Variants in GRIK1 observed in about 807,000 individuals in gnomAD.
GRIK1 encodes glutamate receptor ionotropic, kainate 1.
In GRIK1, 69 loss-of-function variants were observed where a neutral mutation model predicts 105.7. The ratio of observed to expected loss-of-function variants is 0.65; its 90% CI spans 0.54 to 0.80. GRIK1 has a LOEUF of 0.80. GRIK1 is among the 30% of genes least tolerant of loss of function. The probability of loss-of-function intolerance (pLI) is 0.00; values close to 1 mark genes in which losing one functional copy is unlikely to be tolerated. For synonymous variants in GRIK1, 438 were observed against 431.3 expected (o/e 1.02, Z -0.19); for missense variants, 1,109 against 1,167.3 (o/e 0.95, Z 0.73).
At chr21:29,929,796 T>C (rs894801443) in intron 1 of GRIK1, among the ~76,000 whole-genome samples, 12 of 152,172 alleles carry the variant, frequency 7.9e-5, no homozygotes, top group African/African-American at 2.9e-4. Flanking sequence ...TATCATATGC[T>C]CCAGCAATCA....
chr21:29,622,493 C>G (rs1438367641), intron 7 of GRIK1, among the ~76,000 whole-genome samples: 1 of 152,140 alleles, frequency 6.6e-6, no homozygotes, highest in Non-Finnish European at 1.5e-5. Context: ...CATTCATGCC[C>G]TAGCTACAGG....
chr21:29,840,478 A>C (rs187888639), intron 1 of GRIK1, among the ~76,000 whole-genome samples: 108 of 152,180 alleles, frequency 7.1e-4, no homozygotes, highest in Admixed American at 3.7e-3. Context: ...AATCAAGGGG[A>C]GGATGAGGCA....
intron 14 of GRIK1, among the ~76,000 whole-genome samples, chr21:29,566,983 C>G (rs16984363): frequency 0.076 from 11,509 of 152,128 alleles, 1,354 homozygotes; most frequent in African/African-American, 0.26. Context: ...AAGAAATAAT[C>G]GAAACAAGTA....
At position 29,561,697 on chromosome 21, in the gene GRIK1, C is replaced by T. The variant is rs765904533; in HGVS notation, c.2283G>A (p.Thr761=). Residue 761 remains threonine (T), a synonymous_variant, in exon 15 of 18, where the codon ACG becomes ACA. Transcript: ENST00000327783. The part of the protein sequence containing the change: ...LMESTSIEYV[T]QRNCNLTQIG... ...TCTGAGTGAGGTTGCAGTTTCTCTG[C>T]GTCACATACTCAATGCTGGTGGACT... The T allele has an allele frequency of 1.2e-5, 20 of 1,613,970 alleles. No individual in the cohort carries two copies. Among genetic ancestry groups the T allele is most frequent in the South Asian group, 3.3e-5 (3 of 91,088 alleles).
chr21:29,656,033 C>CT (rs981815087), intron 4 of GRIK1, among the ~76,000 whole-genome samples: 1 of 151,850 alleles, frequency 6.6e-6, no homozygotes, highest in Non-Finnish European at 1.5e-5. Context: ...TATTTGGGTG[C>CT]TTTTTTTATT....
chr21:29,632,206 T>C (rs2062291784), intron 7 of GRIK1, among the ~76,000 whole-genome samples: 1 of 152,200 alleles, frequency 6.6e-6, no homozygotes, highest in Non-Finnish European at 1.5e-5. Context: ...GGGCATTGTA[T>C]GGTATGCCCT....
chr21:29,859,268 G>A (rs2068562916), intron 1 of GRIK1, among the ~76,000 whole-genome samples: 2 of 151,538 alleles, frequency 1.3e-5, no homozygotes, highest in South Asian at 4.2e-4. Flanking sequence ...TGTAAATGAC[G>A]AATTAATGGA....
At chr21:29,924,449 C>A (rs2071290910) in intron 1 of GRIK1, among the ~76,000 whole-genome samples, 1 of 151,982 alleles carries the variant, frequency 6.6e-6, no homozygotes, top group Non-Finnish European at 1.5e-5. Flanking sequence ...ACATCATGAG[C>A]TTTATTCTAT....
chr21:29,895,014 A>G lies in GRIK1; in HGVS notation c.118+44369T>C, dbSNP rs973446380. ...GACTGCAAGCAAATATTCAATTAAG[A>G]TGCTTTTTCCTCCTTAATCCATGAG... On this transcript the variant is annotated intron_variant, in intron 1 of 17. Coordinates refer to ENST00000327783, the MANE Select transcript of GRIK1 (RefSeq NM_001330994.2). 5.3e-5 allele frequency among the ~76,000 whole-genome samples: 8 copies of G among 152,316 alleles called. No individual in the cohort carries two copies. The East Asian group carries it at 1.5e-3, about 29-fold the overall frequency.
intron 7 of GRIK1, among the ~76,000 whole-genome samples, chr21:29,629,973 T>C (rs149531041): frequency 1.2e-3 from 176 of 152,276 alleles, no homozygotes; most frequent in Non-Finnish European, 2.4e-4. Context: ...GAGGTGGAAC[T>C]GCAAGGATGG....
intron 1 of GRIK1, among the ~76,000 whole-genome samples, chr21:29,767,757 C>T (rs190968334): frequency 5.3e-5 from 8 of 152,128 alleles, no homozygotes; most frequent in Non-Finnish European, 8.8e-5. Flanking sequence ...GTCCCTACTC[C>T]TCTTCTCTTT....
chr21:29,697,928 C>T (rs9977506), intron 1 of GRIK1, among the ~76,000 whole-genome samples: 2,568 of 145,940 alleles, frequency 0.018, 83 homozygotes, highest in African/African-American at 0.064. Context: ...CTCTCTCTCT[C>T]TCTTTCTTTC....
intron 1 of GRIK1, among the ~76,000 whole-genome samples, chr21:29,698,181 T>G (rs2063747187): frequency 1.3e-5 from 2 of 152,134 alleles, no homozygotes; most frequent in Admixed American, 1.3e-4. Flanking sequence ...CCTCATTCAT[T>G]TGGAGGCCCA....
At chr21:29,697,566 C>T (rs781263981) in intron 1 of GRIK1, among the ~76,000 whole-genome samples, 10 of 151,936 alleles carry the variant, frequency 6.6e-5, no homozygotes, top group Non-Finnish European at 1.2e-4. Context: ...GAGAGGGTTG[C>T]GGATAAATGC....
chr21:29,714,540 A>G (rs1051483481), intron 1 of GRIK1, among the ~76,000 whole-genome samples: 1 of 152,164 alleles, frequency 6.6e-6, no homozygotes, highest in Non-Finnish European at 1.5e-5. Context: ...CCTGACCAGT[A>G]TGAACATCTT....
chr21:29,579,048 A>T (rs2090958565), intron 13 of GRIK1, among the ~76,000 whole-genome samples: 1 of 152,200 alleles, frequency 6.6e-6, no homozygotes, highest in African/African-American at 2.4e-5. Context: ...ATTATATGGC[A>T]TTAAGAGTGG....
intron 1 of GRIK1, among the ~76,000 whole-genome samples, chr21:29,840,576 C>T (rs896497177): frequency 1.3e-5 from 2 of 152,108 alleles, no homozygotes; most frequent in African/African-American, 4.8e-5. Context: ...AATACTTAAC[C>T]TATAGAAACA....
chr21:29,643,181 G>C (rs979219633), intron 6 of GRIK1, among the ~76,000 whole-genome samples: 4 of 151,072 alleles, frequency 2.6e-5, no homozygotes, highest in Admixed American at 2.0e-4. Context: ...ACTCTGCTTC[G>C]TTTCAAGTTC....
At chr21:29,911,521 G>A (rs181908878) in intron 1 of GRIK1, among the ~76,000 whole-genome samples, 230 of 152,012 alleles carry the variant, frequency 1.5e-3, no homozygotes, top group African/African-American at 5.1e-3. Context: ...AGTTGATATC[G>A]TTATATTAAT....
Sources: allele counts gnomAD v4.1 joint callset (sites outside exome capture counted in the v4.1 genomes callset), GRCh38; gene constraint gnomAD v4.1.1; transcripts MANE v1.5; gene names NCBI Gene and HGNC (gene_info 2026-07-23, HGNC 2026-07-21).